The following AK9 variants were observed in gnomAD, a reference collection of about 807,000 sequenced individuals.
AK9 encodes adenylate kinase 9, also known as adenylate kinase domain containing 1.
Under a neutral mutation model 239.6 loss-of-function variants are expected in AK9, and 191 were observed. The ratio of observed to expected loss-of-function variants is 0.80; its 90% CI spans 0.71 to 0.90. AK9 has a LOEUF of 0.90. Ranked by LOEUF, AK9 falls within the 40% of genes least tolerant of loss-of-function variation. AK9 has a pLI of 0.00. For missense variants in AK9, 1,995 were observed against 2,214.7 expected (o/e 0.90, Z 1.99); for synonymous variants, 689 against 721.0 (o/e 0.96, Z 0.71).
intron 27 of AK9, among the ~76,000 whole-genome samples, chr6:109,534,650 G>A (rs1022670016): frequency 6.6e-6 from 1 of 151,698 alleles, no homozygotes; most frequent in South Asian, 2.1e-4. Flanking sequence ...TGTGCACAAC[G>A]TGCAGGTTTG....
At chr6:109,629,443 T>C (rs6568587) in intron 12 of AK9, among the ~76,000 whole-genome samples, 13,005 of 152,108 alleles carry the variant, frequency 0.085, 905 homozygotes, top group African/African-American at 0.19. Flanking sequence ...TGCAGTAAAA[T>C]GGCCTTTCTT....
intron 29 of AK9, among the ~76,000 whole-genome samples, chr6:109,521,070 T>C (rs1176673504): frequency 2.0e-5 from 3 of 152,144 alleles, no homozygotes; most frequent in Non-Finnish European, 4.4e-5. Flanking sequence ...ACTTCTTTTC[T>C]TATTTGGATG....
chr6:109,647,288 A>T (rs1407343316), intron 8 of AK9, among the ~76,000 whole-genome samples: 1 of 152,236 alleles, frequency 6.6e-6, no homozygotes, highest in Non-Finnish European at 1.5e-5. Flanking sequence ...AAAGACACAG[A>T]TTGGCAAATT....
At chr6:109,525,659 A>G (rs1470163729) in intron 29 of AK9, among the ~76,000 whole-genome samples, 1 of 152,156 alleles carries the variant, frequency 6.6e-6, no homozygotes, top group Non-Finnish European at 1.5e-5. Flanking sequence ...TCAGAAAATA[A>G]CAGATGTTAG....
intron 8 of AK9, among the ~76,000 whole-genome samples, chr6:109,654,946 G>C (rs1458154024): frequency 6.6e-6 from 1 of 152,172 alleles, no homozygotes; most frequent in East Asian, 1.9e-4. Flanking sequence ...TAGAATTGTA[G>C]GGTCTTACCC....
intron 9 of AK9, among the ~76,000 whole-genome samples, chr6:109,642,384 T>C (rs1000712106): frequency 1.3e-5 from 2 of 152,200 alleles, no homozygotes; most frequent in African/African-American, 4.8e-5. Flanking sequence ...TGTGGTAGCC[T>C]GTGACAGACT....
At chr6:109,613,703 T>C (rs562007460) in intron 15 of AK9, among the ~76,000 whole-genome samples, 1 of 151,330 alleles carries the variant, frequency 6.6e-6, no homozygotes, top group East Asian at 1.9e-4. Flanking sequence ...TTCTATAATA[T>C]ATTACAGCTA....
chr6:109,602,235 T>C (rs1792115010), intron 17 of AK9, among the ~76,000 whole-genome samples: 1 of 152,194 alleles, frequency 6.6e-6, no homozygotes, highest in South Asian at 2.1e-4. Context: ...CCATGTTTAG[T>C]GCTTCCTTCA....
At chr6:109,511,771 G>A (rs972847375) in intron 32 of AK9, among the ~76,000 whole-genome samples, 11 of 152,088 alleles carry the variant, frequency 7.2e-5, no homozygotes, top group East Asian at 5.8e-4. Context: ...ATGCTGGAAC[G>A]AAATCTGTTT....
At chr6:109,600,091 T>C (rs1047830457) in intron 17 of AK9, among the ~76,000 whole-genome samples, 6 of 152,150 alleles carry the variant, frequency 3.9e-5, no homozygotes, top group East Asian at 1.9e-4. Flanking sequence ...CCTGATTGCC[T>C]TGGCCAGAAC....
intron 17 of AK9, among the ~76,000 whole-genome samples, chr6:109,605,892 C>A (rs1025397143): frequency 6.6e-6 from 1 of 151,966 alleles, no homozygotes; most frequent in African/African-American, 2.4e-5. Context: ...ATTTCATATT[C>A]CAAAGAATTC....
chr6:109,627,402 C>A (rs1795669194), intron 12 of AK9, among the ~76,000 whole-genome samples: 1 of 152,054 alleles, frequency 6.6e-6, no homozygotes, highest in Admixed American at 6.6e-5. Context: ...AATACTAAGC[C>A]ATTAACATCA....
intron 10 of AK9, among the ~76,000 whole-genome samples, chr6:109,639,766 G>T (rs1470787547): frequency 6.6e-6 from 1 of 152,132 alleles, no homozygotes; most frequent in Non-Finnish European, 1.5e-5. Context: ...TGCTTCTAGG[G>T]TTTTTACAGT....
In AK9 at chr6:109,665,701, C is replaced by T. The variant is rs146054402; in HGVS notation, c.332-3038G>A. 3.5e-3 allele frequency among the ~76,000 whole-genome samples: 532 copies of T among 152,322 alleles called. 1 individual carries two copies. Among genetic ancestry groups the T allele is most frequent in the African/African-American group, 0.012 (496 of 41,570 alleles). On this transcript the variant is annotated intron_variant, in intron 5 of 40. Coordinates refer to ENST00000424296, the MANE Select transcript of AK9 (RefSeq NM_001145128.3). ...TGCCTAGCTCTGGATGGAACTCAGA[C>T]CTTGGCAAGCTAACTCCTCCAAGTT...
At chr6:109,676,039 T>C (rs561988040) in intron 1 of AK9, among the ~76,000 whole-genome samples, 1 of 152,224 alleles carries the variant, frequency 6.6e-6, no homozygotes, top group Non-Finnish European at 1.5e-5. Flanking sequence ...TTTGTGTGTA[T>C]TATATTAAAA....
intron 17 of AK9, among the ~76,000 whole-genome samples, chr6:109,589,391 G>A (rs1346080640): frequency 6.6e-6 from 1 of 152,086 alleles, no homozygotes; most frequent in Non-Finnish European, 1.5e-5. Context: ...TGTTATTGGT[G>A]TACAGAAATG....
At position 109,504,310 on chromosome 6, in the gene AK9, G is replaced by A. The variant is rs561116600; in HGVS notation, c.4849+2017C>T. On this transcript the variant is annotated intron_variant, in intron 35 of 40. Transcript: ENST00000424296. ...GACTAGGAGTTCAAAGCTACAGTGA[G>A]TTATGATTGTACCACTGCACCCCAG... Among the ~76,000 whole-genome samples, 94 of 152,210 alleles carry A rather than the reference G, an allele frequency of 6.2e-4. 1 individual carries two copies. The South Asian group carries it at 0.019, about 31-fold the overall frequency.
chr6:109,583,200 C>A (rs771011334), intron 19 of AK9, among the ~76,000 whole-genome samples: 2 of 152,084 alleles, frequency 1.3e-5, no homozygotes, highest in Non-Finnish European at 2.9e-5. Context: ...GTGACATCTT[C>A]CTTATCCAAA....
chr6:109,653,672 A>ATT (rs71721169), intron 8 of AK9, among the ~76,000 whole-genome samples: 14 of 85,124 alleles, frequency 1.6e-4, no homozygotes, highest in South Asian at 8.6e-4. Flanking sequence ...TCTTGTTTAG[A>ATT]TTTTTTTTTT....
Sources: allele counts gnomAD v4.1 joint callset (sites outside exome capture counted in the v4.1 genomes callset), GRCh38; gene constraint gnomAD v4.1.1; transcripts MANE v1.5; gene names NCBI Gene and HGNC (gene_info 2026-07-23, HGNC 2026-07-21).